The following DLGAP2 variants were observed in gnomAD, a reference collection of about 807,000 sequenced individuals.
The protein encoded by DLGAP2 is disks large-associated protein 2.
DLGAP2 carries 26 observed loss-of-function variants against 100.3 expected under a neutral mutation model. The observed-to-expected ratio is 0.26, with a 90% CI of 0.19 to 0.36. The LOEUF is 0.36. Among genes scored for constraint, DLGAP2 ranks in the 10% least tolerant of loss-of-function variants. The pLI, the probability that DLGAP2 is intolerant of heterozygous loss-of-function variation, is 1.00. For synonymous variants in DLGAP2, 886 were observed against 630.1 expected, an observed-to-expected ratio of 1.41 and a Z score of -6.08; for missense variants, 1,858 against 1,453.2, an observed-to-expected ratio of 1.28 and a Z score of -4.53.
At chr8:1,436,356 T>C (rs865970906) in intron 3 of DLGAP2, among the ~76,000 whole-genome samples, 1 of 152,178 alleles carries the variant, frequency 6.6e-6, no homozygotes, top group South Asian at 2.1e-4. Flanking sequence ...GGGAGAAACA[T>C]GGAGGCTGGA....
chr8:810,389 T>C (rs1267069480), intron 1 of DLGAP2, among the ~76,000 whole-genome samples: 1 of 152,236 alleles, frequency 6.6e-6, no homozygotes, highest in Non-Finnish European at 1.5e-5. Flanking sequence ...CCATTACACA[T>C]TTTATGCTTG....
chr8:1,279,071 A>C (rs1388937326), intron 3 of DLGAP2, among the ~76,000 whole-genome samples: 1 of 152,222 alleles, frequency 6.6e-6, no homozygotes, highest in Non-Finnish European at 1.5e-5. Context: ...TTAACTGCAG[A>C]ATTTTACAAA....
intron 3 of DLGAP2, among the ~76,000 whole-genome samples, chr8:1,486,052 G>T (rs1375300024): frequency 6.6e-6 from 1 of 152,260 alleles, no homozygotes; most frequent in East Asian, 1.9e-4. Context: ...TTTTAAAAAG[G>T]AAGATCAGTC....
intron 3 of DLGAP2, among the ~76,000 whole-genome samples, chr8:1,332,372 T>A (rs1002664190): frequency 6.6e-6 from 1 of 152,102 alleles, no homozygotes; most frequent in Non-Finnish European, 1.5e-5. Flanking sequence ...TGTACACATA[T>A]CTGCACATGT....
chr8:1,506,217 T>C (rs1799907611), intron 4 of DLGAP2, among the ~76,000 whole-genome samples: 1 of 152,248 alleles, frequency 6.6e-6, no homozygotes, highest in Non-Finnish European at 1.5e-5. Flanking sequence ...CCTTGGGATG[T>C]TTATTTTTGT....
chr8:839,527 C>G (rs539660834), intron 1 of DLGAP2, among the ~76,000 whole-genome samples: 2 of 152,292 alleles, frequency 1.3e-5, no homozygotes, highest in South Asian at 2.1e-4. Flanking sequence ...AAACATTGAG[C>G]TCACAGAAGC....
At chr8:849,335 T>C (rs964566260) in intron 1 of DLGAP2, among the ~76,000 whole-genome samples, 1 of 152,236 alleles carries the variant, frequency 6.6e-6, no homozygotes, top group African/African-American at 2.4e-5. Flanking sequence ...CCGGTGTTTC[T>C]ATGGATTCAT....
At chr8:807,822 A>G (rs915091245) in intron 1 of DLGAP2, among the ~76,000 whole-genome samples, 1 of 152,174 alleles carries the variant, frequency 6.6e-6, no homozygotes, top group Non-Finnish European at 1.5e-5. Context: ...GCTACTTTCA[A>G]AATGACGGGG....
At chr8:1,205,209 A>C (rs1333773590) in intron 2 of DLGAP2, among the ~76,000 whole-genome samples, 1 of 152,054 alleles carries the variant, frequency 6.6e-6, no homozygotes, top group East Asian at 1.9e-4. Context: ...ATTTTTTGTA[A>C]CTGTAGGTTA....
intron 12 of DLGAP2, among the ~76,000 whole-genome samples, chr8:1,686,370 C>T (rs1206858952): frequency 6.6e-6 from 1 of 152,220 alleles, no homozygotes; most frequent in African/African-American, 2.4e-5. Flanking sequence ...CGTAATCTCA[C>T]TCTGATGTAG....
chr8:1,184,207 T>A (rs962698587), intron 2 of DLGAP2, among the ~76,000 whole-genome samples: 1 of 152,248 alleles, frequency 6.6e-6, no homozygotes, highest in South Asian at 2.1e-4. Context: ...GCAAGCCATT[T>A]AAAAGGTTAA....
chr8:1,664,905 C>G (rs939716148), intron 8 of DLGAP2, among the ~76,000 whole-genome samples: 1 of 152,208 alleles, frequency 6.6e-6, no homozygotes, highest in African/African-American at 2.4e-5. Context: ...TTTCTTTTGT[C>G]ATCCAGGAAA....
intron 3 of DLGAP2, among the ~76,000 whole-genome samples, chr8:1,414,625 G>C (rs1327201118): frequency 6.6e-6 from 1 of 152,254 alleles, no homozygotes; most frequent in African/African-American, 2.4e-5. Context: ...CCCGGCAGCT[G>C]TCTCTGAGGA....
chr8:967,765 G>GTATA (rs1262660337), intron 2 of DLGAP2, among the ~76,000 whole-genome samples: 51 of 52,638 alleles, frequency 9.7e-4, no homozygotes, highest in South Asian at 1.8e-3. Flanking sequence ...ACAAAGAGGT[G>GTATA]TATATATATA....
chr8:1,423,069 A>C (rs1486978101), intron 3 of DLGAP2, among the ~76,000 whole-genome samples: 1 of 152,228 alleles, frequency 6.6e-6, no homozygotes, highest in East Asian at 1.9e-4. Flanking sequence ...GAAAATGTTC[A>C]GACTGCCACA....
intron 1 of DLGAP2, among the ~76,000 whole-genome samples, chr8:869,178 G>A (rs775972229): frequency 1.4e-4 from 21 of 152,080 alleles, no homozygotes; most frequent in Admixed American, 2.0e-4. Context: ...TTTTGAGTCA[G>A]TTCATTTGTT....
chr8:1,645,906 A>C (rs565449214), intron 8 of DLGAP2, among the ~76,000 whole-genome samples: 1 of 152,186 alleles, frequency 6.6e-6, no homozygotes, highest in Non-Finnish European at 1.5e-5. Context: ...CTTGCTCCCA[A>C]CACGTCATAT....
At chr8:1,427,376 T>G (rs546990686) in intron 3 of DLGAP2, among the ~76,000 whole-genome samples, 1 of 152,214 alleles carries the variant, frequency 6.6e-6, no homozygotes, top group South Asian at 2.1e-4. Flanking sequence ...ACCCAAAGAG[T>G]AACAAAATCA....
chr8:1,660,963 G>T (rs1398104455), intron 8 of DLGAP2, among the ~76,000 whole-genome samples: 1 of 152,176 alleles, frequency 6.6e-6, no homozygotes, highest in Non-Finnish European at 1.5e-5. Context: ...CAGCAACAAG[G>T]CTGCTGGAAC....
Sources: allele counts gnomAD v4.1 joint callset (sites outside exome capture counted in the v4.1 genomes callset), GRCh38; gene constraint gnomAD v4.1.1; transcripts MANE v1.5; gene names NCBI Gene and HGNC (gene_info 2026-07-23, HGNC 2026-07-21).